Variants in MFSD12 observed in about 807,000 individuals in gnomAD.
The protein encoded by MFSD12 is major facilitator superfamily domain-containing protein 12.
In MFSD12, 67 loss-of-function variants were observed where a neutral mutation model predicts 51.2. The observed-to-expected ratio is 1.31, with a 90% CI of 1.08 to 1.60. The LOEUF is 1.60. Ranked by LOEUF, MFSD12 falls within the 40% of genes most tolerant of loss-of-function variation. The pLI is 0.00. For synonymous variants in MFSD12, 441 were observed against 316.7 expected (o/e 1.39, Z -4.17); for missense variants, 921 against 673.0 (o/e 1.37, Z -4.08).
intron 8 of MFSD12, among the ~76,000 whole-genome samples, chr19:3,545,809 G>C (rs2030965697): frequency 6.6e-6 from 1 of 152,186 alleles, no homozygotes; most frequent in Admixed American, 6.5e-5. Context: ...CACGGACTCG[G>C]GGCTCCCTTC....
chr19:3,539,040 C>T, intron 4 of MFSD12: 1 of 647,800 alleles, frequency 1.5e-6, no homozygotes, highest in African/African-American at 1.8e-5. Context: ...ACTCTCCAGC[C>T]CTTCCCTCGA....
downstream of MFSD12, chr19:3,543,491 CGCCCT>C: frequency 6.6e-7 from 1 of 1,516,080 alleles, no homozygotes. Context: ...CCCCCCCCCC[CGCCCT>C]GGGCAGCGGG....
In MFSD12 at chr19:3,551,048, G is replaced by A. The variant is rs748365409; in HGVS notation, c.445C>T (p.His149Tyr). 10 of 1,612,860 alleles carry A rather than the reference G, an allele frequency of 6.2e-6. No individual in the cohort carries two copies. The highest frequency in any genetic ancestry group is 8.5e-6 in the Non-Finnish European group (10 of 1,180,014). The change falls in exon 2 of 10, where the codon CAC becomes TAC. Residue 149 changes from histidine to tyrosine, a missense_variant. His to Tyr is a moderately conservative substitution (Grantham distance 83, BLOSUM62 2). Transcript: ENST00000355415. This position sits in a 1 kb window ranked among gnomAD's most constrained non-coding sequence, Gnocchi z 4.6. ...ACGAGCTCCGGGATGAGGCTGAGGT[G>A]GGAGATCTGTGTGGAGGCCCAGCCA... ...QFGWASTQISHLSLIPELVTN... is the reference protein window; with the variant it reads ...QFGWASTQISYLSLIPELVTN...
intron 4 of MFSD12, chr19:3,539,190 A>T (rs1357542691): frequency 1.3e-6 from 2 of 1,550,236 alleles, no homozygotes; most frequent in Admixed American, 3.9e-5. Flanking sequence ...GCAAACCCTC[A>T]GGCAAGAGGC....
At chr19:3,543,881 C>A (rs372607762), downstream of MFSD12, 1 of 1,550,494 alleles carries the variant, frequency 6.4e-7, no homozygotes, top group South Asian at 1.2e-5. Context: ...CATCAGACTA[C>A]GTGCCCTCCC....
In MFSD12 at chr19:3,544,283, C is replaced by A. The variant is rs987410123; in HGVS notation, c.*427G>T. The A allele has an allele frequency of 1.9e-5, 24 of 1,294,778 alleles. No homozygotes were observed. The highest frequency in any genetic ancestry group is 6.0e-5 in the African/African-American group (4 of 66,186). 80.2% of individuals were successfully genotyped at this position (1,294,778 alleles called of 1,614,324 possible). A position where few individuals can be genotyped will look rare whatever the true frequency, so the allele number is the denominator to read the frequency against. Reference sequence around the variant, plus strand: ...TGCCCACCACGGTGGGGTCCAGGCCCAGCCCACCACCCCGTGGCTGTCTCC... The same window carrying A: ...TGCCCACCACGGTGGGGTCCAGGCCAAGCCCACCACCCCGTGGCTGTCTCC... On this transcript the variant is annotated 3_prime_UTR_variant, in exon 10 of 10. Coordinates refer to ENST00000355415, the MANE Select transcript of MFSD12 (RefSeq NM_174983.5).
chr19:3,544,972 GC>G (rs2030856661), intron 8 of MFSD12, 33 bp from the exon 9 acceptor site: 1 of 1,578,990 alleles, frequency 6.3e-7, no homozygotes, highest in Non-Finnish European at 8.6e-7. Flanking sequence ...AGTAGGCACC[GC>G]GGGTACCACC....
intron 8 of MFSD12, 97 bp from the exon 9 acceptor site, chr19:3,545,036 C>T (rs535715239): frequency 1.4e-4 from 198 of 1,451,042 alleles, no homozygotes; most frequent in South Asian, 8.7e-4. Context: ...ACAGCGGCTC[C>T]GTCCTGTCCA....
Position 3,547,949 on chromosome 19 carries a change from G to A in MFSD12, c.736C>T (p.His246Tyr), listed in dbSNP as rs767587173. Residue 246 changes from histidine (H) to tyrosine (Y), a missense_variant, in exon 4 of 10, where the codon CAT (histidine) becomes TAT (tyrosine). Physicochemically the swap from His to Tyr is moderately conservative, Grantham distance 83. Transcript: ENST00000355415. ...GTGTGCTCGCCTGGCTCCTCCGCATGCGGCCGGCGCCTCTCCCGGGTGCCC... is the reference window on the plus strand; with the variant it reads ...GTGTGCTCGCCTGGCTCCTCCGCATACGGCCGGCGCCTCTCCCGGGTGCCC... ...HLGTRERRRP[H>Y]AEEPGEHTPL... The A allele has an allele frequency of 6.3e-6, 10 of 1,593,666 alleles. No individual in the cohort carries two copies. In the Admixed American group the frequency reaches 1.4e-4, roughly 23 times the overall value.
At chr19:3,546,855 C>T (rs2031102062) in intron 6 of MFSD12, among the ~76,000 whole-genome samples, 1 of 151,936 alleles carries the variant, frequency 6.6e-6, no homozygotes, top group South Asian at 2.1e-4. Context: ...TTTCTGGAGA[C>T]AAGAGTCTCG....
At chr19:3,539,008 C>A in intron 4 of MFSD12, 1 of 629,656 alleles carries the variant, frequency 1.6e-6, no homozygotes, top group Non-Finnish European at 2.9e-6. Context: ...GTGTCACCCC[C>A]AGTTGTTAAA....
At chr19:3,553,612 C>CA (rs965639036) in intron 1 of MFSD12, among the ~76,000 whole-genome samples, 5 of 146,138 alleles carry the variant, frequency 3.4e-5, no homozygotes, top group African/African-American at 1.0e-4. Context: ...ACTAAAAATG[C>CA]AAAAAAAATT....
At chr19:3,538,822 G>A in intron 4 of MFSD12, 1 of 555,478 alleles carries the variant, frequency 1.8e-6, no homozygotes, top group Non-Finnish European at 3.6e-6. Context: ...GGTGACAGGT[G>A]CCTGCGACCC....
downstream of MFSD12, chr19:3,543,143 C>CCT (rs537168797): frequency 4.8e-4 from 721 of 1,512,650 alleles, 1 homozygote; most frequent in African/African-American, 9.0e-3. Flanking sequence ...GTGGGCCAGG[C>CCT]CTCTACATCA....
At chr19:3,541,309 C>G (rs1442791125), downstream of MFSD12, among the ~76,000 whole-genome samples, 4 of 151,866 alleles carry the variant, frequency 2.6e-5, no homozygotes, top group Non-Finnish European at 5.9e-5. Context: ...GCATTCCAGC[C>G]TAGGTGACAA....
At chr19:3,538,331 G>C in exon 5 of MFSD12, 1 of 190,436 alleles carries the variant, frequency 5.3e-6, no homozygotes, top group Admixed American at 5.6e-5. Flanking sequence ...CCGTCTTACA[G>C]TGAGGTGGCG....
At chr19:3,541,678 G>A, downstream of MFSD12, 2 of 985,390 alleles carry the variant, frequency 2.0e-6, no homozygotes, top group Non-Finnish European at 2.4e-6. Flanking sequence ...GCTCCCGCAA[G>A]TGTGTAATAA....
downstream of MFSD12, chr19:3,543,490 C>CCG: frequency 5.3e-6 from 8 of 1,519,400 alleles, no homozygotes; most frequent in Non-Finnish European, 7.1e-6. Context: ...GCCCCCCCCC[C>CCG]CGCCCTGGGC....
At chr19:3,543,672 AGGAATAC>A (rs1433424762), downstream of MFSD12, 83 of 1,538,334 alleles carry the variant, frequency 5.4e-5, no homozygotes, top group Non-Finnish European at 7.0e-5. Context: ...ATCCGGGGCA[AGGAATAC>A]GGTGAGGCTA....
Sources: gnomAD v4.1 joint callset for allele counts (sites outside exome capture counted in the v4.1 genomes callset) on GRCh38, gnomAD v4.1.1 for gene constraint, Gnocchi (gnomAD v3.1) non-coding constraint, MANE v1.5 for transcripts, NCBI Gene and HGNC (gene_info 2026-07-23, HGNC 2026-07-21) for gene names.